ARID3B: variants seen among roughly 807,000 people sequenced by gnomAD.
ARID3B encodes the protein AT-rich interaction domain 3B.
In ARID3B, 10 loss-of-function variants were observed where a neutral mutation model predicts 51.9. That is an observed-to-expected ratio of 0.19 (90% CI 0.12 to 0.33). ARID3B has a LOEUF of 0.33. Among genes scored for constraint, ARID3B ranks in the 10% least tolerant of loss-of-function variants. The probability of loss-of-function intolerance (pLI) is 1.00; values close to 1 mark genes in which losing one functional copy is unlikely to be tolerated. For synonymous variants in ARID3B, 205 were observed against 279.5 expected, an observed-to-expected ratio of 0.73 and a Z score of 2.66; for missense variants, 483 against 716.3, an observed-to-expected ratio of 0.67 and a Z score of 3.72.
At chr15:74,545,097 T>C (rs2061610599) in intron 2 of ARID3B, among the ~76,000 whole-genome samples, 2 of 152,226 alleles carry the variant, frequency 1.3e-5, no homozygotes. Flanking sequence ...GTGAGGAATA[T>C]CTAAAATGAG....
chr15:74,558,684 A>G (rs546152514), intron 2 of ARID3B, among the ~76,000 whole-genome samples: 2 of 152,314 alleles, frequency 1.3e-5, no homozygotes, highest in African/African-American at 4.8e-5. Context: ...TATTATCTCT[A>G]ATTCTTGGGG....
chr15:74,571,722 A>T (rs77476383), intron 2 of ARID3B, among the ~76,000 whole-genome samples: 1 of 152,234 alleles, frequency 6.6e-6, no homozygotes, highest in Non-Finnish European at 1.5e-5. Flanking sequence ...AATATGTTAA[A>T]ATCTAAGCTA....
At chr15:74,560,951 C>A (rs1010459372) in intron 2 of ARID3B, among the ~76,000 whole-genome samples, 1 of 152,170 alleles carries the variant, frequency 6.6e-6, no homozygotes, top group East Asian at 1.9e-4. Context: ...AAACCCTTGT[C>A]AACATTGGTT....
intron 2 of ARID3B, among the ~76,000 whole-genome samples, chr15:74,561,839 A>C (rs2061680530): frequency 1.3e-5 from 2 of 152,206 alleles, no homozygotes; most frequent in African/African-American, 4.8e-5. Flanking sequence ...AGTAGAAACT[A>C]CTTCAAGTAC....
intron 2 of ARID3B, among the ~76,000 whole-genome samples, chr15:74,554,085 C>T (rs2061647802): frequency 6.6e-6 from 1 of 151,814 alleles, no homozygotes; most frequent in South Asian, 2.1e-4. Flanking sequence ...TGGCTCATTA[C>T]GAGCTCCGCC....
chr15:74,552,056 CTTTTTTT>C (rs869096001), intron 2 of ARID3B, among the ~76,000 whole-genome samples: 8 of 102,628 alleles, frequency 7.8e-5, no homozygotes, highest in South Asian at 3.8e-4. Context: ...TCTTTCTTTC[CTTTTTTT>C]TTTTTTTTTT....
intron 2 of ARID3B, among the ~76,000 whole-genome samples, chr15:74,554,632 A>G (rs1309815295): frequency 6.6e-6 from 1 of 152,078 alleles, no homozygotes; most frequent in Non-Finnish European, 1.5e-5. Flanking sequence ...TTTCAATTTA[A>G]CTATACTTTT....
At chr15:74,589,192 TAA>T (rs2061794219) in intron 4 of ARID3B, among the ~76,000 whole-genome samples, 1 of 151,734 alleles carries the variant, frequency 6.6e-6, no homozygotes, top group South Asian at 2.1e-4. Context: ...CATGCCAGGC[TAA>T]TTTTTTTTGT....
chr15:74,568,383 G>A (rs2061707052), intron 2 of ARID3B, among the ~76,000 whole-genome samples: 1 of 152,196 alleles, frequency 6.6e-6, no homozygotes, highest in Non-Finnish European at 1.5e-5. Flanking sequence ...CTACAAGTCA[G>A]TATGGTGTAA....
intron 7 of ARID3B, among the ~76,000 whole-genome samples, chr15:74,592,231 G>C (rs1253212982): frequency 6.6e-6 from 1 of 152,214 alleles, no homozygotes; most frequent in East Asian, 1.9e-4. Context: ...GTTGCCCCGG[G>C]CTGGACAGTG....
chr15:74,549,220 G>A (rs896661074), intron 2 of ARID3B, among the ~76,000 whole-genome samples: 1 of 151,942 alleles, frequency 6.6e-6, no homozygotes, highest in African/African-American at 2.4e-5. Flanking sequence ...GACTACAGGT[G>A]CCCGCCACCA....
intron 4 of ARID3B, among the ~76,000 whole-genome samples, chr15:74,577,881 CT>C (rs576841728): frequency 1.6e-4 from 24 of 151,996 alleles, no homozygotes; most frequent in Non-Finnish European, 3.4e-4. Flanking sequence ...GTCTTTGTTC[CT>C]TTTTTTGAGA....
intron 4 of ARID3B, among the ~76,000 whole-genome samples, chr15:74,575,580 C>G (rs2061734702): frequency 6.6e-6 from 1 of 152,196 alleles, no homozygotes; most frequent in Non-Finnish European, 1.5e-5. Context: ...CAGTAGAGAA[C>G]AGTCTTTGCT....
In ARID3B at chr15:74,543,926, T is replaced by G. The variant is rs992709643; in HGVS notation, c.-11T>G. On this transcript the variant is annotated 5_prime_UTR_variant, in exon 2 of 9. Transcript: ENST00000346246. ...AGTCATGCCACTCTGTGGGTGAAGC[T>G]TGAGGCAAAAATGGAGCCACTTCAG... 2.5e-6 allele frequency: 4 copies of G among 1,602,840 alleles called. No individual in the cohort carries two copies. The African/African-American group carries it at 4.0e-5, about 16-fold the overall frequency.
Position 74,551,548 on chromosome 15 carries a change from A to G in ARID3B, c.552+7060A>G, listed in dbSNP as rs543045699. On this transcript the variant is annotated intron_variant, in intron 2 of 8. Transcript: ENST00000346246. ...TTCCAGGTTTCCAGGGACTTGCTCCATCAGTGAACCCTCCATTTCCTGACT... is the reference window on the plus strand; with the variant it reads ...TTCCAGGTTTCCAGGGACTTGCTCCGTCAGTGAACCCTCCATTTCCTGACT... Among the ~76,000 whole-genome samples the G allele has an allele frequency of 6.3e-4, 96 of 152,304 alleles. 3 individuals are homozygous for G. The South Asian group carries it at 0.019, about 31-fold the overall frequency.
intron 2 of ARID3B, among the ~76,000 whole-genome samples, chr15:74,552,206 C>T (rs1160772586): frequency 4.2e-5 from 6 of 144,062 alleles, no homozygotes; most frequent in Admixed American, 7.0e-5. Context: ...GGACAACAGG[C>T]GCATGCCACC....
intron 4 of ARID3B, among the ~76,000 whole-genome samples, chr15:74,580,840 G>A (rs2061759568): frequency 6.6e-6 from 1 of 152,230 alleles, no homozygotes; most frequent in Non-Finnish European, 1.5e-5. Context: ...GTGGTGGCCT[G>A]CCTCCACAGG....
chr15:74,549,396 G>T (rs1270794615), intron 2 of ARID3B, among the ~76,000 whole-genome samples: 1 of 151,910 alleles, frequency 6.6e-6, no homozygotes, highest in African/African-American at 2.4e-5. Flanking sequence ...ACTTTTCTTG[G>T]TAGATACTGC....
intron 2 of ARID3B, among the ~76,000 whole-genome samples, chr15:74,565,150 T>C (rs1458326793): frequency 2.0e-5 from 3 of 152,106 alleles, no homozygotes; most frequent in Non-Finnish European, 2.9e-5. Flanking sequence ...GCTCAAGCGC[T>C]CCTCCCACCT....
Sources: gnomAD v4.1 joint callset for allele counts (sites outside exome capture counted in the v4.1 genomes callset) on GRCh38, gnomAD v4.1.1 for gene constraint, MANE v1.5 for transcripts, NCBI Gene and HGNC (gene_info 2026-07-23, HGNC 2026-07-21) for gene names.